The following SRFBP1 variants were observed in gnomAD, a reference collection of about 807,000 sequenced individuals.
The protein encoded by SRFBP1 is serum response factor binding protein 1.
Under a neutral mutation model 45.5 loss-of-function variants are expected in SRFBP1, and 47 were observed. The observed-to-expected ratio is 1.03, with a 90% CI of 0.82 to 1.32. SRFBP1 has a LOEUF of 1.32. Ranked by LOEUF, SRFBP1 falls within the 40% of genes most tolerant of loss-of-function variation. SRFBP1 has a pLI of 0.00. For synonymous variants in SRFBP1, 203 were observed against 166.3 expected (o/e 1.22, Z -1.70); for missense variants, 621 against 484.6 (o/e 1.28, Z -2.64).
At chr5:122,004,795 C>A (rs895240215) in intron 4 of SRFBP1, among the ~76,000 whole-genome samples, 2 of 152,084 alleles carry the variant, frequency 1.3e-5, no homozygotes, top group African/African-American at 4.8e-5. Flanking sequence ...CTATGAACTT[C>A]TCTCTTAGAA....
At chr5:121,985,883 T>G (rs1752508565) in intron 3 of SRFBP1, among the ~76,000 whole-genome samples, 1 of 151,840 alleles carries the variant, frequency 6.6e-6, no homozygotes, top group Non-Finnish European at 1.5e-5. Context: ...TTATGTACTG[T>G]GGAAGAAATA....
intron 3 of SRFBP1, among the ~76,000 whole-genome samples, chr5:121,980,488 T>C (rs534197393): frequency 6.6e-6 from 1 of 152,320 alleles, no homozygotes; most frequent in South Asian, 2.1e-4. Flanking sequence ...TAAAACGTTT[T>C]TATTGTTTCT....
At position 121,962,011 on chromosome 5, in the gene SRFBP1, G is replaced by A. The variant is rs761600092; in HGVS notation, c.-22G>A. 25 of 1,613,370 alleles carry A rather than the reference G, an allele frequency of 1.5e-5. No individual in the cohort carries two copies. In the South Asian group the frequency reaches 2.5e-4, roughly 16 times the overall value. Reference sequence around the variant, plus strand: ...GACCGGTTCACGTGCAGGCAGCGGCGGATCATATTCCTTCATCTACCATGG... The same window carrying A: ...GACCGGTTCACGTGCAGGCAGCGGCAGATCATATTCCTTCATCTACCATGG... On this transcript the variant is annotated 5_prime_UTR_variant, in exon 1 of 8. Coordinates refer to ENST00000339397, the MANE Select transcript of SRFBP1 (RefSeq NM_152546.3).
At chr5:122,016,406 AT>A (rs1753194665) in intron 4 of SRFBP1, among the ~76,000 whole-genome samples, 1 of 152,158 alleles carries the variant, frequency 6.6e-6, no homozygotes, top group Admixed American at 6.5e-5. Flanking sequence ...TTCCTTCATA[AT>A]TTTAGAAGCA....
At chr5:122,044,587 G>A (rs1332037224) in intron 2 of SRFBP1, among the ~76,000 whole-genome samples, 1 of 151,424 alleles carries the variant, frequency 6.6e-6, no homozygotes, top group African/African-American at 2.4e-5. Flanking sequence ...GGTTTTGATT[G>A]ACATTTCTCA....
chr5:122,019,417 A>T (rs1222150121), intron 5 of SRFBP1, 76 bp downstream of exon 5: 2 of 1,131,470 alleles, frequency 1.8e-6, no homozygotes, highest in Non-Finnish European at 2.6e-6. Flanking sequence ...CACTTATTTT[A>T]ACTCTTGAGG....
chr5:122,064,909 T>C (rs1269971371), intron 2 of SRFBP1: 2 of 152,224 alleles, frequency 1.3e-5, no homozygotes, highest in East Asian at 3.9e-4. Flanking sequence ...CTGAAATCTG[T>C]AGATGCCAGT....
chr5:122,019,588 T>G (rs1753260370), intron 5 of SRFBP1, among the ~76,000 whole-genome samples: 1 of 150,984 alleles, frequency 6.6e-6, no homozygotes, highest in African/African-American at 2.4e-5. Context: ...ATATATAATA[T>G]ATACAAGATA....
rs1753272427 is a variant in SRFBP1 at position 122,020,121 on chromosome 5, A to G, written c.386A>G (p.Asn129Ser). 2 of 1,581,618 alleles carry G rather than the reference A, an allele frequency of 1.3e-6. No homozygotes were observed. The highest frequency in any genetic ancestry group is 1.2e-5 in the South Asian group (1 of 84,672). The change falls in exon 6 of 8, where the codon AAT (asparagine) becomes AGT (serine). Residue 129 changes from asparagine (N) to serine (S), a missense_variant. Coordinates refer to ENST00000339397, the MANE Select transcript of SRFBP1 (RefSeq NM_152546.3). Reference protein sequence around the residue: ...AVQAFKEARQNVAEVESSKNA... With the variant: ...AVQAFKEARQSVAEVESSKNA... Reference sequence around the variant, plus strand: ...CAAGCCTTTAAAGAAGCAAGACAAAATGTTGCTGAAGTTGAGTCATCAAAG... The same window carrying G: ...CAAGCCTTTAAAGAAGCAAGACAAAGTGTTGCTGAAGTTGAGTCATCAAAG...
intron 1 of SRFBP1, among the ~76,000 whole-genome samples, chr5:121,971,394 A>C (rs890215640): frequency 2.0e-5 from 3 of 151,948 alleles, no homozygotes; most frequent in African/African-American, 7.2e-5. Context: ...AAAGACCTTT[A>C]GGTGTATAAC....
At chr5:122,060,863 C>G (rs1754158269) in intron 2 of SRFBP1, among the ~76,000 whole-genome samples, 1 of 152,100 alleles carries the variant, frequency 6.6e-6, no homozygotes. Context: ...CAAAATTGCT[C>G]TTTTGACCAG....
At chr5:121,986,341 A>T (rs1752516967) in intron 3 of SRFBP1, among the ~76,000 whole-genome samples, 1 of 151,954 alleles carries the variant, frequency 6.6e-6, no homozygotes, top group South Asian at 2.1e-4. Context: ...AAATAATGGG[A>T]TTGATGTAAT....
At chr5:122,068,985 A>G (rs1461534062) in intron 2 of SRFBP1, among the ~76,000 whole-genome samples, 2 of 152,128 alleles carry the variant, frequency 1.3e-5, no homozygotes, top group African/African-American at 2.4e-5. Flanking sequence ...AATATGGGCC[A>G]TAAAACCTGC....
intron 3 of SRFBP1, among the ~76,000 whole-genome samples, chr5:121,983,409 A>G (rs1752451961): frequency 6.6e-6 from 1 of 151,778 alleles, no homozygotes; most frequent in African/African-American, 2.4e-5. Context: ...TATGCCAGGA[A>G]CAATTTTGAT....
chr5:122,078,799 CTG>C (rs757735458), downstream of SRFBP1, among the ~76,000 whole-genome samples: 104 of 152,326 alleles, frequency 6.8e-4, no homozygotes, highest in Middle Eastern at 3.4e-3. Context: ...TTTTGTTTTT[CTG>C]TGTGTAGGTA....
At chr5:122,068,383 A>C (rs1428795261) in intron 2 of SRFBP1, among the ~76,000 whole-genome samples, 2 of 152,134 alleles carry the variant, frequency 1.3e-5, no homozygotes, top group Admixed American at 1.3e-4. Context: ...GGAAGTCAGT[A>C]AGACATAGTT....
chr5:121,964,425 T>A (rs778930806), intron 1 of SRFBP1, among the ~76,000 whole-genome samples: 1 of 152,188 alleles, frequency 6.6e-6, no homozygotes, highest in Non-Finnish European at 1.5e-5. Context: ...CTCAAACTTA[T>A]GAGTGAGAAC....
At chr5:122,046,572 T>C (rs1753863674) in intron 2 of SRFBP1, among the ~76,000 whole-genome samples, 1 of 152,220 alleles carries the variant, frequency 6.6e-6, no homozygotes, top group Admixed American at 6.5e-5. Flanking sequence ...AGTAATGGGA[T>C]GGCTGGGTCA....
chr5:121,992,798 T>G (rs1486928520), intron 3 of SRFBP1, among the ~76,000 whole-genome samples: 1 of 152,116 alleles, frequency 6.6e-6, no homozygotes, highest in Non-Finnish European at 1.5e-5. Flanking sequence ...TCCCTTTAGT[T>G]TTTATTACAT....
Sources: allele counts gnomAD v4.1 joint callset (sites outside exome capture counted in the v4.1 genomes callset), GRCh38; gene constraint gnomAD v4.1.1; transcripts MANE v1.5; gene names NCBI Gene and HGNC (gene_info 2026-07-23, HGNC 2026-07-21).